ATXN1: variants seen among roughly 807,000 people sequenced by gnomAD.
ATXN1 encodes ataxin-1.
ATXN1 carries 8 observed loss-of-function variants against 56.4 expected under a neutral mutation model. The observed-to-expected ratio is 0.14, with a 90% CI of 0.08 to 0.26. The LOEUF (loss-of-function observed/expected upper bound fraction) is 0.26. ATXN1 is among the 10% of genes least tolerant of loss of function. The pLI is 1.00. For missense variants in ATXN1, 987 were observed against 1,106.5 expected (o/e 0.89, Z 1.53); for synonymous variants, 514 against 494.6 (o/e 1.04, Z -0.52).
intron 4 of ATXN1, among the ~76,000 whole-genome samples, chr6:16,555,070 AC>A (rs1360648918): frequency 4.6e-5 from 7 of 152,094 alleles, no homozygotes; most frequent in Non-Finnish European, 8.8e-5. Flanking sequence ...AGATTCCTCC[AC>A]ACCCATGCCT....
intron 5 of ATXN1, among the ~76,000 whole-genome samples, chr6:16,521,587 G>T (rs1474102870): frequency 6.6e-6 from 1 of 152,168 alleles, no homozygotes; most frequent in African/African-American, 2.4e-5. Flanking sequence ...TAAAATAAAA[G>T]AATAAATGTT....
chr6:16,577,043 C>A (rs1219854252), intron 4 of ATXN1, among the ~76,000 whole-genome samples: 1 of 152,194 alleles, frequency 6.6e-6, no homozygotes, highest in African/African-American at 2.4e-5. Flanking sequence ...CCGTGCTTCA[C>A]TGTCTCCGTT....
chr6:16,507,465 C>CAT (rs1761000533), intron 5 of ATXN1, among the ~76,000 whole-genome samples: 1 of 152,192 alleles, frequency 6.6e-6, no homozygotes, highest in Admixed American at 6.5e-5. Flanking sequence ...GCAATGGGCT[C>CAT]AATCACTATA....
intron 6 of ATXN1, among the ~76,000 whole-genome samples, chr6:16,451,630 C>G (rs1759754954): frequency 6.6e-6 from 1 of 151,398 alleles, no homozygotes; most frequent in South Asian, 2.1e-4. Flanking sequence ...TGGCACATGC[C>G]TGTAATCCCA....
chr6:16,453,762 G>T (rs1038396541), intron 6 of ATXN1, among the ~76,000 whole-genome samples: 4 of 152,150 alleles, frequency 2.6e-5, no homozygotes, highest in African/African-American at 9.7e-5. Flanking sequence ...TATATCTGCT[G>T]TATAGGAATA....
chr6:16,499,101 C>G (rs1760830552), intron 5 of ATXN1, among the ~76,000 whole-genome samples: 1 of 152,116 alleles, frequency 6.6e-6, no homozygotes, highest in Non-Finnish European at 1.5e-5. Flanking sequence ...AGATTTACTC[C>G]TGTTTTCATT....
intron 2 of ATXN1, among the ~76,000 whole-genome samples, chr6:16,747,458 C>T (rs573289475): frequency 5.3e-5 from 8 of 152,280 alleles, no homozygotes; most frequent in African/African-American, 1.7e-4. Flanking sequence ...AAGCAGACGA[C>T]ATACAACTGT....
intron 3 of ATXN1, among the ~76,000 whole-genome samples, chr6:16,654,541 T>TAA (rs1212773515): frequency 8.2e-5 from 10 of 122,520 alleles, no homozygotes; most frequent in Non-Finnish European, 1.0e-4. Context: ...GACTCTGCCT[T>TAA]AAAAAAAAAA....
chr6:16,681,029 A>G (rs1446160079), intron 2 of ATXN1, among the ~76,000 whole-genome samples: 4 of 152,236 alleles, frequency 2.6e-5, no homozygotes, highest in African/African-American at 9.6e-5. Context: ...TGTGTGGTCA[A>G]CAGGTGAGAG....
intron 4 of ATXN1, among the ~76,000 whole-genome samples, chr6:16,579,540 A>T (rs573466003): frequency 4.6e-5 from 6 of 129,968 alleles, no homozygotes; most frequent in Non-Finnish European, 9.4e-5. Flanking sequence ...TTGAATTTTG[A>T]ATTTGGCTTT....
chr6:16,401,400 C>T (rs1043988117), intron 6 of ATXN1, among the ~76,000 whole-genome samples: 2 of 151,982 alleles, frequency 1.3e-5, no homozygotes, highest in East Asian at 1.9e-4. Context: ...CAAGATCAGC[C>T]GGAGAAACAA....
intron 2 of ATXN1, among the ~76,000 whole-genome samples, chr6:16,745,336 C>T (rs977494286): frequency 2.6e-5 from 4 of 152,034 alleles, no homozygotes; most frequent in African/African-American, 7.2e-5. Flanking sequence ...AGAAACAACT[C>T]GAATGTCCAA....
At chr6:16,501,546 C>T (rs1453867683) in intron 5 of ATXN1, among the ~76,000 whole-genome samples, 2 of 152,164 alleles carry the variant, frequency 1.3e-5, no homozygotes, top group African/African-American at 4.8e-5. Context: ...CATTATTCAA[C>T]TCCTACTATG....
At chr6:16,533,128 T>A (rs529277915) in intron 4 of ATXN1, among the ~76,000 whole-genome samples, 1 of 152,298 alleles carries the variant, frequency 6.6e-6, no homozygotes, top group East Asian at 1.9e-4. Context: ...TGAAGATGGA[T>A]CGTGGTGATG....
At position 16,328,025 on chromosome 6, in the gene ATXN1, C is replaced by T. The variant is rs1760886290; in HGVS notation, c.286G>A (p.Val96Ile). ...GCAGGCAGCGTGGTGGCCACGGGGACAGACCTGGGAGCGCTGGGCGGGGAG... is the reference window on the plus strand; with the variant it reads ...GCAGGCAGCGTGGTGGCCACGGGGATAGACCTGGGAGCGCTGGGCGGGGAG... The part of the protein sequence containing the change: ...DYSPPSAPRS[V>I]PVATTLPAAY... Residue 96 changes from valine (V) to isoleucine (I), a missense_variant, in exon 7 of 8, where the codon GTC (valine) becomes ATC (isoleucine). Physicochemically the swap from Val to Ile is conservative, Grantham distance 29. Around this residue, in one of 3 missense-constraint regions of ATXN1, gnomAD observed 723 missense variants for 791.7 expected, o/e 0.91. Transcript: ENST00000436367. The surrounding 1 kb of genome is among the most constrained non-coding windows in gnomAD (Gnocchi z 6.2). The T allele has an allele frequency of 8.7e-6, 14 of 1,613,482 alleles. No homozygotes were observed. Among genetic ancestry groups the T allele is most frequent in the Non-Finnish European group, 1.2e-5 (14 of 1,179,708 alleles).
intron 3 of ATXN1, among the ~76,000 whole-genome samples, chr6:16,618,065 T>TA (rs1204092151): frequency 4.7e-5 from 7 of 149,902 alleles, no homozygotes; most frequent in African/African-American, 1.2e-4. Flanking sequence ...AAAAAAAAAT[T>TA]AAAAAAAAAT....
intron 6 of ATXN1, among the ~76,000 whole-genome samples, chr6:16,385,066 A>T (rs1758210759): frequency 6.6e-6 from 1 of 152,174 alleles, no homozygotes; most frequent in South Asian, 2.1e-4. Flanking sequence ...AGTTTTGAAG[A>T]GTACACAGGA....
At chr6:16,341,391 T>C (rs1761245115) in intron 6 of ATXN1, among the ~76,000 whole-genome samples, 1 of 151,114 alleles carries the variant, frequency 6.6e-6, no homozygotes, top group East Asian at 2.0e-4. Context: ...AAACATAATG[T>C]CCAGATCTAC....
rs1382602449 is a variant in ATXN1, at chr6:16,362,748, C to CGG, written c.-160-34279_-160-34278insCC. Among the ~76,000 whole-genome samples the CGG allele has an allele frequency of 1.7e-3, 234 of 137,298 alleles. 1 individual carries two copies. Among genetic ancestry groups the CGG allele is most frequent in the Non-Finnish European group, 3.2e-3 (195 of 61,570 alleles). The allele number at this position is 137,298 out of a possible 152,430, so 90.1% of individuals were successfully genotyped here. The stretch of plus-strand genomic sequence containing the variant: ...CTTGTACTGTAAAAGGTTCTCTATT[C>CGG]ATATAGATGTGATATTCAGTTTATG... On this transcript the variant is annotated intron_variant, in intron 6 of 7. Transcript: ENST00000436367.
Sources: gnomAD v4.1 joint callset for allele counts (sites outside exome capture counted in the v4.1 genomes callset) on GRCh38, gnomAD v4.1.1 for gene constraint, gnomAD v4.1.1 regional missense constraint, Gnocchi (gnomAD v3.1) non-coding constraint, MANE v1.5 for transcripts, NCBI Gene and HGNC (gene_info 2026-07-23, HGNC 2026-07-21) for gene names.